The following VPS50 variants were observed in gnomAD, a reference collection of about 807,000 sequenced individuals.
VPS50 encodes VPS50 subunit of EARP/GARPII complex.
Under a neutral mutation model 139.7 loss-of-function variants are expected in VPS50, and 70 were observed. The ratio of observed to expected loss-of-function variants is 0.50; its 90% CI spans 0.41 to 0.61. The LOEUF is 0.61. Among genes scored for constraint, VPS50 ranks in the 20% least tolerant of loss-of-function variants. VPS50 has a pLI of 0.00. For synonymous variants in VPS50, 365 were observed against 376.7 expected (o/e 0.97, Z 0.36); for missense variants, 921 against 1,133.7 (o/e 0.81, Z 2.69).
chr7:93,305,789 T>C lies in VPS50; in HGVS notation c.1453-39T>C, dbSNP rs375586605. On this transcript the variant is annotated intron_variant, in intron 17 of 27. Coordinates refer to ENST00000305866, the MANE Select transcript of VPS50 (RefSeq NM_017667.4). ...TTCGGTTTATGTACTAGAATTTTAT[T>C]GTTGCTAAAGGGTATCTGGCTCCTT... 5.4e-5 allele frequency: 81 copies of C among 1,513,312 alleles called. 1 individual carries two copies. Among genetic ancestry groups the C allele is most frequent in the Non-Finnish European group, 7.3e-5 (80 of 1,091,632 alleles). 93.7% of individuals were successfully genotyped at this position (1,513,312 alleles called of 1,614,324 possible). A position where few individuals can be genotyped will look rare whatever the true frequency, so the allele number is the denominator to read the frequency against.
chr7:93,350,078 G>A, intron 25 of VPS50, 45 bp downstream of exon 25: 1 of 1,416,822 alleles, frequency 7.1e-7, no homozygotes, highest in Non-Finnish European at 9.8e-7. Context: ...AATCTACTAA[G>A]AGAAGTGTTC....
At chr7:93,348,556 T>C (rs549904873) in intron 23 of VPS50, among the ~76,000 whole-genome samples, 155 bp from the exon 24 acceptor site, 1 of 152,184 alleles carries the variant, frequency 6.6e-6, no homozygotes, top group African/African-American at 2.4e-5. Flanking sequence ...TAAATGAACA[T>C]GTCAAGTGGT....
rs368989470 is a variant in VPS50 at position 93,252,671 on chromosome 7, C to T, written c.121C>T (p.Arg41Ter). Residue 41 changes from arginine to a stop codon, truncating the protein, a stop_gained, in exon 3 of 28, where the codon CGA (arginine) becomes TGA (stop). Transcript: ENST00000305866. LOFTEE classifies it high-confidence loss of function. ...VPGKEEFRELREQPSDPQAEQ... is the reference protein window; with the variant it reads ...VPGKEEFREL ...CTTAAAGGAAGAATTCAGGGAACTT[C>T]GAGAACAGCCAAGTGACCCTCAAGC... 4.4e-6 allele frequency: 7 copies of T among 1,599,220 alleles called. No individual in the cohort carries two copies. The highest frequency in any genetic ancestry group is 1.3e-5 in the African/African-American group (1 of 74,208).
chr7:93,302,348 C>T (rs1797002103), intron 16 of VPS50, among the ~76,000 whole-genome samples: 2 of 150,438 alleles, frequency 1.3e-5, no homozygotes. Context: ...TCTGTTTCTT[C>T]CTTTTTTTTT....
At position 93,356,053 on chromosome 7, in the gene VPS50, C is replaced by T. The variant is rs1477986231; in HGVS notation, c.2748C>T (p.Asp916=). The stretch of plus-strand genomic sequence containing the variant: ...AAGCTTATTACCTAACTGAGAATGA[C>T]ATGGAACGGTGGATCAAAGAGCACA... ...YIKAYYLTEN[D]MERWIKEHRE... is the part of the protein sequence containing the mutation. The change falls in exon 27 of 28, where the codon GAC becomes GAT. Residue 916 remains aspartate, a synonymous_variant. Transcript: ENST00000305866. 6.5e-7 allele frequency: 1 copy of T among 1,527,508 alleles called. No homozygotes were observed. The highest frequency in any genetic ancestry group is 1.3e-5 in the South Asian group (1 of 78,818). 94.6% of individuals were successfully genotyped at this position (1,527,508 alleles called of 1,614,324 possible).
chr7:93,246,229 T>C, intron 2 of VPS50: 2 of 790,960 alleles, frequency 2.5e-6, no homozygotes, highest in East Asian at 2.7e-5. Context: ...ATCAAAGATT[T>C]GCTGTGGCAA....
At chr7:93,246,908 T>A (rs1490871094) in intron 2 of VPS50, among the ~76,000 whole-genome samples, 1 of 151,930 alleles carries the variant, frequency 6.6e-6, no homozygotes, top group East Asian at 1.9e-4. Flanking sequence ...TCAAATTGTT[T>A]TACATAGCTG....
At position 93,359,622 on chromosome 7, in the gene VPS50, G is replaced by A. The variant is rs1798794055; in HGVS notation, c.*1186G>A. The A allele has an allele frequency of 6.6e-6, 1 of 152,134 alleles. No individual in the cohort carries two copies. The highest frequency in any genetic ancestry group is 1.5e-5 in the Non-Finnish European group (1 of 68,026). The allele number at this position is 152,134 out of a possible 1,614,324, so 9.4% of individuals were successfully genotyped here. A position where few individuals can be genotyped will look rare whatever the true frequency, so the allele number is the denominator to read the frequency against. On this transcript the variant is annotated 3_prime_UTR_variant, in exon 28 of 28. Transcript: ENST00000305866. ...TAAGCTTGTGTGGCATTGGTCCAATGATTGCCATGCATGACCTGTAACATC... is the reference window on the plus strand; with the variant it reads ...TAAGCTTGTGTGGCATTGGTCCAATAATTGCCATGCATGACCTGTAACATC...
At chr7:93,340,956 C>T (rs948213218) in intron 22 of VPS50, 1 of 153,156 alleles carries the variant, frequency 6.5e-6, no homozygotes, top group Non-Finnish European at 1.5e-5. Context: ...TGGCTCTGTT[C>T]TAGTTTATAA....
At chr7:93,260,701 GTTTT>G (rs1179387411) in intron 9 of VPS50, among the ~76,000 whole-genome samples, 2 of 141,982 alleles carry the variant, frequency 1.4e-5, no homozygotes, top group East Asian at 4.0e-4. Flanking sequence ...TTGTTTGTTT[GTTTT>G]TTATTTTAAA....
At position 93,291,408 on chromosome 7, in the gene VPS50, A is replaced by G. The variant is rs570548980; in HGVS notation, c.943-295A>G. ...AAAAAATGCATTTGGGGATGTTTAC[A>G]CTGCTATTTATGGGACCAGTTGCTA... On this transcript the variant is annotated intron_variant, in intron 12 of 27. Transcript: ENST00000305866. 1.2e-3 allele frequency among the ~76,000 whole-genome samples: 189 copies of G among 152,170 alleles called. 1 individual carries two copies. The highest frequency in any genetic ancestry group is 4.3e-3 in the African/African-American group (180 of 41,548).
intron 17 of VPS50, 50 bp downstream of exon 17, chr7:93,303,600 A>T (rs765947959): frequency 1.3e-6 from 1 of 790,692 alleles, no homozygotes; most frequent in South Asian, 2.0e-5. Flanking sequence ...AATGTATTTT[A>T]CCCTTTTTTT....
At chr7:93,237,861 C>A (rs1794863068) in intron 1 of VPS50, among the ~76,000 whole-genome samples, 1 of 152,008 alleles carries the variant, frequency 6.6e-6, no homozygotes, top group East Asian at 1.9e-4. Context: ...AAGCCTGGTA[C>A]CCAATAGTTA....
At chr7:93,300,229 G>A (rs927282616) in intron 16 of VPS50, among the ~76,000 whole-genome samples, 5 of 152,088 alleles carry the variant, frequency 3.3e-5, no homozygotes, top group African/African-American at 1.2e-4. Context: ...TTTCCATTAA[G>A]AAATCTCCAG....
intron 12 of VPS50, among the ~76,000 whole-genome samples, chr7:93,277,251 A>G (rs1379930389): frequency 6.6e-6 from 1 of 152,156 alleles, no homozygotes; most frequent in African/African-American, 2.4e-5. Context: ...AATGGAACCT[A>G]TGTCAGATGC....
chr7:93,317,227 CGTCA>C (rs1562883993), intron 20 of VPS50, among the ~76,000 whole-genome samples: 1 of 152,074 alleles, frequency 6.6e-6, no homozygotes, highest in Non-Finnish European at 1.5e-5. Flanking sequence ...TTTTGGCATG[CGTCA>C]GTATCACCTA....
At position 93,309,854 on chromosome 7, in the gene VPS50, T is replaced by C. The variant is rs557168573; in HGVS notation, c.1748+912T>C. Among the ~76,000 whole-genome samples, 188 of 152,118 alleles carry C rather than the reference T, an allele frequency of 1.2e-3. 1 individual carries two copies. Among genetic ancestry groups the C allele is most frequent in the African/African-American group, 4.3e-3 (179 of 41,560 alleles). On this transcript the variant is annotated intron_variant, in intron 19 of 27. Transcript: ENST00000305866. Reference sequence around the variant, plus strand: ...TATACTTTTTGCTTAATGATAGATTTCTTAATGATAGATTCTTAATGATAA... The same window carrying C: ...TATACTTTTTGCTTAATGATAGATTCCTTAATGATAGATTCTTAATGATAA...
intron 9 of VPS50, among the ~76,000 whole-genome samples, chr7:93,260,734 C>T (rs1317820215): frequency 2.6e-5 from 4 of 151,674 alleles, no homozygotes; most frequent in Non-Finnish European, 5.9e-5. Flanking sequence ...CTCACTCTGT[C>T]GCCCAGGCTG....
chr7:93,317,883 A>G (rs1797474601), intron 20 of VPS50, among the ~76,000 whole-genome samples: 1 of 152,184 alleles, frequency 6.6e-6, no homozygotes, highest in African/African-American at 2.4e-5. Context: ...AGTTCATTGA[A>G]GTCATAAGTG....
Sources: allele counts gnomAD v4.1 joint callset (sites outside exome capture counted in the v4.1 genomes callset), GRCh38; gene constraint gnomAD v4.1.1; transcripts MANE v1.5; gene names NCBI Gene and HGNC (gene_info 2026-07-23, HGNC 2026-07-21).